The following DLGAP2 variants were observed in gnomAD, a reference collection of about 807,000 sequenced individuals.
The protein encoded by DLGAP2 is DLG associated protein 2, also known as disks large-associated protein 2.
Under a neutral mutation model 100.3 loss-of-function variants are expected in DLGAP2, and 26 were observed. The observed-to-expected ratio is 0.26, with a 90% CI of 0.19 to 0.36. DLGAP2 has a LOEUF of 0.36. Ranked by LOEUF, DLGAP2 falls within the 10% of genes least tolerant of loss-of-function variation. The pLI, the probability that DLGAP2 is intolerant of heterozygous loss-of-function variation, is 1.00. For missense variants in DLGAP2, 1,858 were observed against 1,453.2 expected, an observed-to-expected ratio of 1.28 and a Z score of -4.53; for synonymous variants, 886 against 630.1, an observed-to-expected ratio of 1.41 and a Z score of -6.08.
intron 3 of DLGAP2, among the ~76,000 whole-genome samples, chr8:1,417,849 T>C (rs913138253): frequency 6.6e-6 from 1 of 152,238 alleles, no homozygotes; most frequent in Admixed American, 6.5e-5. Context: ...TACCTCATCT[T>C]TATTGGCGGG....
At chr8:1,638,888 TCTC>T (rs1262271410) in intron 8 of DLGAP2, among the ~76,000 whole-genome samples, 2 of 152,182 alleles carry the variant, frequency 1.3e-5, no homozygotes, top group Non-Finnish European at 2.9e-5. Context: ...TGTGCCGTTG[TCTC>T]CTCCTGCTGA....
Position 1,317,176 on chromosome 8 carries a change from CGT to C in DLGAP2, c.106+58299_106+58300del, listed in dbSNP as rs1416716564. Among the ~76,000 whole-genome samples, 3 of 121,066 alleles carry C rather than the reference CGT, an allele frequency of 2.5e-5. No homozygotes were observed. The East Asian group carries it at 7.0e-4, about 28-fold the overall frequency. 79.4% of individuals were successfully genotyped at this position (121,066 alleles called of 152,430 possible). The stretch of plus-strand genomic sequence containing the variant: ...AAACTCGGCAGCTTTAAAAATAGAG[CGT>C]GTGTGAGTGCAGCGTCTCTCCAACA... On this transcript the variant is annotated intron_variant, in intron 3 of 14. Coordinates refer to ENST00000637795, the MANE Select transcript of DLGAP2 (RefSeq NM_001346810.2).
At chr8:1,069,198 T>A (rs562812065) in intron 2 of DLGAP2, among the ~76,000 whole-genome samples, 1 of 152,298 alleles carries the variant, frequency 6.6e-6, no homozygotes, top group South Asian at 2.1e-4. Flanking sequence ...TTGTGTTTGC[T>A]AAGGCAGTCT....
At chr8:990,029 G>T (rs887298355) in intron 2 of DLGAP2, among the ~76,000 whole-genome samples, 1 of 152,056 alleles carries the variant, frequency 6.6e-6, no homozygotes, top group Admixed American at 6.5e-5. Flanking sequence ...CTGGACCACT[G>T]TGCCAGCATG....
rs1796938257 is a variant in DLGAP2 at position 1,163,759 on chromosome 8, G to C, written c.74-95092G>C. 2.6e-5 allele frequency among the ~76,000 whole-genome samples: 4 copies of C among 152,224 alleles called. 1 individual carries two copies. In the South Asian group the frequency reaches 8.3e-4, roughly 32 times the overall value. On this transcript the variant is annotated intron_variant, in intron 2 of 14. Transcript: ENST00000637795. ...GAGTAACGCGGCCGCCGCGGGTGCAGGACTTTCCTGCCTTCTGTTTTCTAA... is the reference window on the plus strand; with the variant it reads ...GAGTAACGCGGCCGCCGCGGGTGCACGACTTTCCTGCCTTCTGTTTTCTAA...
chr8:1,302,468 G>T (rs1554438366), intron 3 of DLGAP2: 3 of 82,468 alleles, frequency 3.6e-5, no homozygotes, highest in African/African-American at 1.4e-4. Context: ...TGTGAGTTCC[G>T]GAGCTCTGCT....
chr8:1,315,273 CG>C (rs1198515558), intron 3 of DLGAP2, among the ~76,000 whole-genome samples: 13 of 151,172 alleles, frequency 8.6e-5, no homozygotes, highest in Non-Finnish European at 1.5e-4. Context: ...AACTCGGCAG[CG>C]TTTAAAAATA....
chr8:1,538,501 A>C (rs898824697), intron 4 of DLGAP2, among the ~76,000 whole-genome samples: 16 of 152,236 alleles, frequency 1.1e-4, no homozygotes, highest in Admixed American at 6.5e-5. Flanking sequence ...CTCAGGGCTC[A>C]GACTGCATGA....
intron 2 of DLGAP2, among the ~76,000 whole-genome samples, chr8:1,206,744 G>A (rs1288422622): frequency 2.6e-5 from 4 of 152,324 alleles, no homozygotes; most frequent in African/African-American, 9.6e-5. Flanking sequence ...TGGAGAACTG[G>A]TCTTCCGGGC....
At chr8:1,304,662 G>T (rs1305423896) in intron 3 of DLGAP2, among the ~76,000 whole-genome samples, 8 of 152,158 alleles carry the variant, frequency 5.3e-5, no homozygotes, top group African/African-American at 1.7e-4. Context: ...ATACAGTGCG[G>T]AAGTGCTTCT....
At chr8:964,191 C>T (rs190804230) in intron 2 of DLGAP2, among the ~76,000 whole-genome samples, 1 of 152,250 alleles carries the variant, frequency 6.6e-6, no homozygotes, top group African/African-American at 2.4e-5. Flanking sequence ...AATTTTTGAA[C>T]CTATCTGACG....
At chr8:1,276,821 C>T (rs1799707485) in intron 3 of DLGAP2, among the ~76,000 whole-genome samples, 1 of 152,074 alleles carries the variant, frequency 6.6e-6, no homozygotes, top group Non-Finnish European at 1.5e-5. Flanking sequence ...ACTTCAGTAT[C>T]TTGGATGGGA....
chr8:1,139,366 C>T (rs190402811), intron 2 of DLGAP2, among the ~76,000 whole-genome samples: 2,619 of 152,356 alleles, frequency 0.017, 72 homozygotes, highest in African/African-American at 0.06. Flanking sequence ...CAGACATTTC[C>T]TTCTCACAGT....
At chr8:905,368 C>T (rs1201849186) in intron 1 of DLGAP2, among the ~76,000 whole-genome samples, 1 of 152,118 alleles carries the variant, frequency 6.6e-6, no homozygotes, top group East Asian at 1.9e-4. Flanking sequence ...ATGGACAGTG[C>T]ACAGCTGCCC....
At chr8:1,117,962 C>A (rs370975021) in intron 2 of DLGAP2, among the ~76,000 whole-genome samples, 1 of 152,200 alleles carries the variant, frequency 6.6e-6, no homozygotes, top group South Asian at 2.1e-4. Context: ...GAGTAGATAC[C>A]GTTTTCCAGA....
chr8:1,665,665 C>T (rs1275419348), intron 8 of DLGAP2, among the ~76,000 whole-genome samples: 1 of 152,248 alleles, frequency 6.6e-6, no homozygotes, highest in Non-Finnish European at 1.5e-5. Context: ...AGAGAAGCAA[C>T]GCAGAGCCAG....
chr8:1,544,354 C>T (rs906565350), intron 4 of DLGAP2, among the ~76,000 whole-genome samples: 5 of 152,194 alleles, frequency 3.3e-5, no homozygotes, highest in African/African-American at 1.2e-4. Context: ...GTAACCTGCT[C>T]CTTTGCTGAG....
chr8:1,359,095 G>T (rs2129647031), intron 3 of DLGAP2, among the ~76,000 whole-genome samples: 1 of 152,308 alleles, frequency 6.6e-6, no homozygotes, highest in East Asian at 1.9e-4. Flanking sequence ...ATTCCCAGGG[G>T]TTGCTGAGGT....
At chr8:1,362,603 G>C (rs190463312) in intron 3 of DLGAP2, among the ~76,000 whole-genome samples, 30 of 152,262 alleles carry the variant, frequency 2.0e-4, no homozygotes, top group African/African-American at 7.0e-4. Context: ...TCTGACGCGA[G>C]GCCATCTCTC....
Sources: gnomAD v4.1 joint callset for allele counts (sites outside exome capture counted in the v4.1 genomes callset) on GRCh38, gnomAD v4.1.1 for gene constraint, MANE v1.5 for transcripts, NCBI Gene and HGNC (gene_info 2026-07-23, HGNC 2026-07-21) for gene names.